Variants in VSTM4 observed in about 807,000 individuals in gnomAD.
VSTM4 encodes the protein V-set and transmembrane domain containing 4.
In VSTM4, 20 loss-of-function variants were observed where a neutral mutation model predicts 36.4. That is an observed-to-expected ratio of 0.55 (90% confidence interval 0.39 to 0.80). The LOEUF (loss-of-function observed/expected upper bound fraction) is 0.80. Ranked by LOEUF, VSTM4 falls within the 30% of genes least tolerant of loss-of-function variation. The probability of loss-of-function intolerance (pLI) is 0.00; values close to 1 mark genes in which losing one functional copy is unlikely to be tolerated. For missense variants in VSTM4, 392 were observed against 404.5 expected, an observed-to-expected ratio of 0.97 and a Z score of 0.26; for synonymous variants, 182 against 173.9, an observed-to-expected ratio of 1.05 and a Z score of -0.37.
At chr10:49,085,485 T>C (rs184205545) in intron 3 of VSTM4, among the ~76,000 whole-genome samples, 78 of 152,340 alleles carry the variant, frequency 5.1e-4, no homozygotes, top group African/African-American at 1.8e-3. Context: ...CTTATCATTT[T>C]TATATCACTT....
chr10:49,058,117 T>G (rs1843813868), intron 5 of VSTM4, among the ~76,000 whole-genome samples: 1 of 152,220 alleles, frequency 6.6e-6, no homozygotes, highest in Non-Finnish European at 1.5e-5. Flanking sequence ...CTTCCATATC[T>G]ATACCCTGCC....
intron 1 of VSTM4, among the ~76,000 whole-genome samples, chr10:49,113,609 C>G (rs573298881): frequency 6.6e-6 from 1 of 152,316 alleles, no homozygotes; most frequent in South Asian, 2.1e-4. Flanking sequence ...AGCCACCTCT[C>G]AAGCCTACAG....
chr10:49,033,167 C>G (rs965283434), intron 7 of VSTM4, among the ~76,000 whole-genome samples: 3 of 152,112 alleles, frequency 2.0e-5, no homozygotes, highest in Non-Finnish European at 2.9e-5. Context: ...GAGTTGCATA[C>G]TGGTTAAAGA....
intron 2 of VSTM4, among the ~76,000 whole-genome samples, chr10:49,097,249 C>T (rs1308212674): frequency 1.3e-5 from 2 of 152,188 alleles, no homozygotes; most frequent in African/African-American, 4.8e-5. Flanking sequence ...CCTGAAGAAG[C>T]AAGCAAGCTT....
chr10:49,095,569 CTT>C (rs1216209656), intron 2 of VSTM4, among the ~76,000 whole-genome samples: 1 of 152,154 alleles, frequency 6.6e-6, no homozygotes, highest in Non-Finnish European at 1.5e-5. Flanking sequence ...TCTTGCAACA[CTT>C]TTGAGCAGGC....
intron 7 of VSTM4, 22 bp from the exon 8 acceptor site, chr10:49,019,797 A>G (rs946422971): frequency 1.2e-6 from 2 of 1,605,848 alleles, no homozygotes; most frequent in Admixed American, 3.4e-5. Flanking sequence ...AAAACAAAAC[A>G]AAACACAATT....
At position 49,106,662 on chromosome 10, in the gene VSTM4, C is replaced by T. The variant is rs554162847; in HGVS notation, c.457+932G>A. Among the ~76,000 whole-genome samples, 5 of 152,338 alleles carry T rather than the reference C, an allele frequency of 3.3e-5. No individual in the cohort carries two copies. In the East Asian group the frequency reaches 7.7e-4, roughly 23 times the overall value. On this transcript the variant is annotated intron_variant, in intron 2 of 7. Transcript: ENST00000332853. ...CAGGCCTGACGACTCACAGCAAAAC[C>T]TCCCAACGCGTGCCTCCTCCATGGG... is the stretch of plus-strand genomic sequence containing the variant.
At position 49,016,325 on chromosome 10, in the gene VSTM4, C is replaced by T. The variant is rs1843104442; in HGVS notation, c.*3325G>A. The stretch of plus-strand genomic sequence containing the variant: ...CCTGCCCTTCCAGGACATTCTCCTC[C>T]CTGCTGCTTGCTCAGTGTCTGTTGC... On this transcript the variant is annotated 3_prime_UTR_variant, in exon 8 of 8. Coordinates refer to ENST00000332853, the MANE Select transcript of VSTM4 (RefSeq NM_001031746.5). The T allele has an allele frequency of 6.6e-6, 1 of 152,202 alleles. No individual in the cohort carries two copies. The highest frequency in any genetic ancestry group is 2.4e-5 in the African/African-American group (1 of 41,430). The allele number at this position is 152,202 out of a possible 1,614,324, so 9.4% of individuals were successfully genotyped here. A position where few individuals can be genotyped will look rare whatever the true frequency, so the allele number is the denominator to read the frequency against.
Position 49,048,576 on chromosome 10 carries a change from T to C in VSTM4, c.677A>G (p.Glu226Gly). The part of the protein sequence containing the change: ...LVKCPQNSSG[E>G]TVTSVTSLAP... ...CAAGCTGGTCACGCTAGTGACAGTCTCCCCTGAGCTGTAGAAGAAAAAGTT... is the reference window on the plus strand; with the variant it reads ...CAAGCTGGTCACGCTAGTGACAGTCCCCCCTGAGCTGTAGAAGAAAAAGTT... The change falls in exon 6 of 8, where the codon GAG (glutamate) becomes GGG (glycine). Residue 226 changes from glutamate to glycine, a missense_variant. By Grantham distance (98) the Glu-to-Gly change is moderately conservative. Coordinates refer to ENST00000332853, the MANE Select transcript of VSTM4 (RefSeq NM_001031746.5). 6.3e-7 allele frequency: 1 copy of C among 1,577,398 alleles called. No individual in the cohort carries two copies. Among genetic ancestry groups the C allele is most frequent in the South Asian group, 1.2e-5 (1 of 83,666 alleles).
At position 49,083,169 on chromosome 10, in the gene VSTM4, T is replaced by A. The variant is rs182938798; in HGVS notation, c.526+2786A>T. Among the ~76,000 whole-genome samples the A allele has an allele frequency of 2.8e-3, 433 of 152,356 alleles. 3 individuals are homozygous for A. Among genetic ancestry groups the A allele is most frequent in the African/African-American group, 9.6e-3 (399 of 41,582 alleles). On this transcript the variant is annotated intron_variant, in intron 3 of 7. Coordinates refer to ENST00000332853, the MANE Select transcript of VSTM4 (RefSeq NM_001031746.5). ...CAGGGCAAATGGAAAAGTCAGGAGA[T>A]AGCAGTTTGAGACATAAGGCTGTGT...
intron 2 of VSTM4, among the ~76,000 whole-genome samples, chr10:49,096,771 C>T (rs369891314): frequency 2.0e-5 from 3 of 151,958 alleles, no homozygotes; most frequent in African/African-American, 7.3e-5. Context: ...TCTCCTGCCT[C>T]AGCCTGCCGA....
At chr10:49,084,658 A>G (rs1234338759) in intron 3 of VSTM4, among the ~76,000 whole-genome samples, 1 of 152,204 alleles carries the variant, frequency 6.6e-6, no homozygotes, top group African/African-American at 2.4e-5. Context: ...ATTCCTCATC[A>G]ATAAATGTTG....
At chr10:49,087,915 ATATATACATATGTAATATATATG>A (rs1438653903) in intron 2 of VSTM4, among the ~76,000 whole-genome samples, 96 of 147,352 alleles carry the variant, frequency 6.5e-4, no homozygotes, top group African/African-American at 2.3e-3. Context: ...ATATATGTAT[ATATATACATATGTAATATATATG>A]TATATATACA....
chr10:49,056,355 G>A (rs949349343), intron 5 of VSTM4, among the ~76,000 whole-genome samples: 5 of 152,216 alleles, frequency 3.3e-5, no homozygotes, highest in Non-Finnish European at 7.3e-5. Context: ...CCACAGGGTC[G>A]CAGGCTTGGC....
intron 5 of VSTM4, among the ~76,000 whole-genome samples, chr10:49,060,509 A>G (rs1207944740): frequency 6.6e-6 from 1 of 152,180 alleles, no homozygotes; most frequent in Non-Finnish European, 1.5e-5. Context: ...CTTTAGGAAA[A>G]TATCTGCTCA....
chr10:49,077,190 C>G, intron 4 of VSTM4, 29 bp downstream of exon 4: 1 of 1,610,002 alleles, frequency 6.2e-7, no homozygotes, highest in Non-Finnish European at 8.5e-7. Flanking sequence ...GTGCTCCCAT[C>G]CCAGACATGA....
chr10:49,028,132 T>C (rs1843291264), intron 7 of VSTM4, among the ~76,000 whole-genome samples: 1 of 152,220 alleles, frequency 6.6e-6, no homozygotes, highest in Non-Finnish European at 1.5e-5. Flanking sequence ...GTAATTACCT[T>C]TCCCTTATGC....
intron 7 of VSTM4, among the ~76,000 whole-genome samples, chr10:49,021,219 A>G (rs891987815): frequency 2.0e-5 from 3 of 150,856 alleles, no homozygotes; most frequent in Non-Finnish European, 4.4e-5. Context: ...AAAAAATCAC[A>G]TCCTTATATC....
intron 2 of VSTM4, among the ~76,000 whole-genome samples, chr10:49,088,038 T>C (rs774624755): frequency 6.7e-5 from 10 of 149,236 alleles, no homozygotes; most frequent in South Asian, 2.1e-4. Context: ...TATGTAATTA[T>C]ATAATACAAA....
Sources: allele counts gnomAD v4.1 joint callset (sites outside exome capture counted in the v4.1 genomes callset), GRCh38; gene constraint gnomAD v4.1.1; transcripts MANE v1.5; gene names NCBI Gene and HGNC (gene_info 2026-07-23, HGNC 2026-07-21).